The following PFKFB3 variants were observed in gnomAD, a reference collection of about 807,000 sequenced individuals.
The protein encoded by PFKFB3 is 6-phosphofructo-2-kinase/fructose-2,6-bisphosphatase 3.
A neutral mutation model predicts 68.0 loss-of-function variants in PFKFB3; 33 were observed. The ratio of observed to expected loss-of-function variants is 0.49; its 90% CI spans 0.37 to 0.65. The LOEUF is 0.65. Ranked by LOEUF, PFKFB3 falls within the 30% of genes least tolerant of loss-of-function variation. The pLI is 0.00. For synonymous variants in PFKFB3, 315 were observed against 288.2 expected, an observed-to-expected ratio of 1.09 and a Z score of -0.94; for missense variants, 586 against 712.2, an observed-to-expected ratio of 0.82 and a Z score of 2.02.
chr10:6,254,808 CTTTTTTTT>C (rs144888417), downstream of PFKFB3, among the ~76,000 whole-genome samples: 1,106 of 61,650 alleles, frequency 0.018, 10 homozygotes, highest in South Asian at 0.063. Context: ...TTTTTCTGTT[CTTTTTTTT>C]TTTTTTTTTT....
intron 10 of PFKFB3, among the ~76,000 whole-genome samples, chr10:6,222,089 C>G (rs558325325): frequency 3.3e-5 from 5 of 152,078 alleles, no homozygotes; most frequent in African/African-American, 1.2e-4. Context: ...GCACGGTGCC[C>G]GGGTGGCTGT....
upstream of PFKFB3, among the ~76,000 whole-genome samples, chr10:6,202,104 C>G (rs1240710103): frequency 1.3e-5 from 2 of 152,196 alleles, no homozygotes; most frequent in African/African-American, 4.8e-5. Context: ...TTCTTCTACT[C>G]GGGGCGATAA....
chr10:6,185,606 C>G (rs1361374619), intron 1 of PFKFB3, among the ~76,000 whole-genome samples: 2 of 148,942 alleles, frequency 1.3e-5, no homozygotes, highest in African/African-American at 2.5e-5. Flanking sequence ...GGCCCTCACC[C>G]AGTTATACCA....
chr10:6,241,177 T>C (rs942610168), intron 14 of PFKFB3, among the ~76,000 whole-genome samples: 3 of 152,186 alleles, frequency 2.0e-5, no homozygotes, highest in African/African-American at 7.2e-5. Flanking sequence ...AGTGCTGGGA[T>C]TACAGCTGTG....
At position 6,226,485 on chromosome 10, in the gene PFKFB3, G is replaced by A. The variant is rs551674672; in HGVS notation, c.1515+120G>A. On this transcript the variant is annotated intron_variant, in intron 14 of 14. Coordinates refer to ENST00000379775, the MANE Select transcript of PFKFB3 (RefSeq NM_004566.4). ...CGTGCGTGGGTGCGTGTGGGTGCGC[G>A]TGCGTATGTTGTAGGTGTCTGTGCA... 48 of 909,936 alleles carry A rather than the reference G, an allele frequency of 5.3e-5. No individual in the cohort carries two copies. In the East Asian group the frequency reaches 7.0e-4, roughly 13 times the overall value. The allele number at this position is 909,936 out of a possible 1,614,324, so 56.4% of individuals were successfully genotyped here. A position where few individuals can be genotyped will look rare whatever the true frequency, so the allele number is the denominator to read the frequency against.
At chr10:6,219,519 C>T in intron 6 of PFKFB3, 50 bp from the exon 7 acceptor site, 1 of 1,610,744 alleles carries the variant, frequency 6.2e-7, no homozygotes, top group Non-Finnish European at 8.5e-7. Context: ...TTAATCTCAG[C>T]AGAAAGCCTT....
chr10:6,233,172 C>T lies in PFKFB3; in HGVS notation c.*230C>T, dbSNP rs41291285. 97,261 of 532,692 alleles carry T rather than the reference C, an allele frequency of 0.18. 9,920 individuals carry two copies. Among genetic ancestry groups the T allele is most frequent in the Non-Finnish European group, 0.21 (62,784 of 296,846 alleles). The allele number at this position is 532,692 out of a possible 1,614,324, so 33.0% of individuals were successfully genotyped here. On this transcript the variant is annotated 3_prime_UTR_variant, in exon 15 of 15. Coordinates refer to ENST00000379775, the MANE Select transcript of PFKFB3 (RefSeq NM_004566.4). ...CGCCCTGCCTTTAGCCGTGGGGCCC[C>T]CACCTCCACTCTCTGGGTTTCCTAG...
intron 1 of PFKFB3, among the ~76,000 whole-genome samples, chr10:6,194,998 G>A (rs1295031313): frequency 2.0e-5 from 3 of 151,504 alleles, no homozygotes; most frequent in Admixed American, 1.3e-4. Flanking sequence ...TTGGCCTCCC[G>A]AGTAGCTGGG....
chr10:6,227,716 T>C (rs1450767727), intron 14 of PFKFB3, among the ~76,000 whole-genome samples: 1 of 152,180 alleles, frequency 6.6e-6, no homozygotes, highest in Non-Finnish European at 1.5e-5. Context: ...TGCAGCAATT[T>C]AATTGCCCAG....
chr10:6,273,383 C>T, the PFKFB3 span, among the ~76,000 whole-genome samples: 5 of 152,132 alleles, frequency 3.3e-5, no homozygotes, highest in Admixed American at 1.3e-4. Flanking sequence ...GTTGCCTTCC[C>T]GAGAACGCCT....
chr10:6,215,615 T>G lies in PFKFB3; in HGVS notation c.299+298T>G, dbSNP rs1275618076. Among the ~76,000 whole-genome samples the G allele has an allele frequency of 6.6e-6, 1 of 152,194 alleles. No individual in the cohort carries two copies. Among genetic ancestry groups the G allele is most frequent in the Non-Finnish European group, 1.5e-5 (1 of 68,036 alleles). ...CTCATCTGTCCCCTGAGGGTCTCGC[T>G]GAGCTGACCCTCACTGGGACAGAGC... On this transcript the variant is annotated intron_variant, in intron 3 of 14. Transcript: ENST00000379775. This position sits in a 1 kb window ranked among gnomAD's most constrained non-coding sequence, Gnocchi z 4.3.
At chr10:6,157,566 G>A (rs968657204) in intron 1 of PFKFB3, among the ~76,000 whole-genome samples, 5 of 151,562 alleles carry the variant, frequency 3.3e-5, no homozygotes, top group Admixed American at 2.0e-4. Flanking sequence ...GAAGTTGAAC[G>A]TCATCTGTTT....
intron 7 of PFKFB3, 77 bp downstream of exon 7, chr10:6,219,770 T>C: frequency 1.3e-6 from 2 of 1,533,450 alleles, no homozygotes; most frequent in Non-Finnish European, 1.8e-6. Flanking sequence ...CCACAAAGGA[T>C]TTGCTCCTGG....
chr10:6,298,967 G>T, the PFKFB3 span, among the ~76,000 whole-genome samples: 3 of 152,182 alleles, frequency 2.0e-5, no homozygotes, highest in Non-Finnish European at 2.9e-5. Context: ...TCTGTTGGCT[G>T]CATAGCCTAA....
chr10:6,267,473 C>T, the PFKFB3 span, among the ~76,000 whole-genome samples: 3 of 152,142 alleles, frequency 2.0e-5, no homozygotes, highest in East Asian at 1.9e-4. Flanking sequence ...TTTCTTAGAA[C>T]GTCATTGCCT....
Position 6,187,085 on chromosome 10 carries a change from G to A in PFKFB3, c.17-26538G>A, listed in dbSNP as rs114395212. Among the ~76,000 whole-genome samples, 586 of 152,154 alleles carry A rather than the reference G, an allele frequency of 3.9e-3. 5 individuals are homozygous for A. Among genetic ancestry groups the A allele is most frequent in the African/African-American group, 0.013 (543 of 41,502 alleles). On this transcript the variant is annotated intron_variant, in intron 1 of 14. Transcript: ENST00000379789. ...GTCTCGAAAGTGAAAAGGCAGCCGG[G>A]CGCAGCGACTCATACCTGTAATCCC...
At chr10:6,310,950 G>C in the PFKFB3 span, among the ~76,000 whole-genome samples, 2 of 152,158 alleles carry the variant, frequency 1.3e-5, no homozygotes, top group Non-Finnish European at 2.9e-5. Flanking sequence ...TGTGAAGAAT[G>C]CTGTGAGGTA....
rs200723320 is a variant in PFKFB3, at chr10:6,220,854, C to A, written c.820C>A (p.Arg274=). 2 of 1,611,124 alleles carry A rather than the reference C, an allele frequency of 1.2e-6. No individual in the cohort carries two copies. The highest frequency in any genetic ancestry group is 2.2e-5 in the East Asian group (1 of 44,882). ...RIGGDSGLSS[R]GKKFASALSK... ...CGGGGGCGACTCAGGCCTGTCCAGC[C>A]GGGGCAAGAAGGTGCGGGGTGTGCT... The change falls in exon 8 of 15, where the codon CGG becomes AGG. Residue 274 remains arginine, a synonymous_variant. Coordinates refer to ENST00000379775, the MANE Select transcript of PFKFB3 (RefSeq NM_004566.4). The surrounding 1 kb of genome is among the most constrained non-coding windows in gnomAD (Gnocchi z 4.1).
chr10:6,167,560 A>G (rs1842180775), intron 1 of PFKFB3, among the ~76,000 whole-genome samples: 1 of 152,256 alleles, frequency 6.6e-6, no homozygotes, highest in South Asian at 2.1e-4. Flanking sequence ...TGGAATGTGT[A>G]TAAAGAGACA....
Sources: gnomAD v4.1 joint callset for allele counts (sites outside exome capture counted in the v4.1 genomes callset) on GRCh38, gnomAD v4.1.1 for gene constraint, Gnocchi (gnomAD v3.1) non-coding constraint, MANE v1.5 for transcripts, NCBI Gene and HGNC (gene_info 2026-07-23, HGNC 2026-07-21) for gene names.